RBM20: variants seen among roughly 807,000 people sequenced by gnomAD.
RBM20 encodes RNA-binding protein 20.
Under a neutral mutation model 110.1 loss-of-function variants are expected in RBM20, and 51 were observed. The ratio of observed to expected loss-of-function variants is 0.46; its 90% CI spans 0.37 to 0.59. The LOEUF is 0.59. RBM20 is among the 20% of genes least tolerant of loss of function. The pLI is 0.00. For missense variants in RBM20, 1,512 were observed against 1,574.9 expected, an observed-to-expected ratio of 0.96 and a Z score of 0.68; for synonymous variants, 589 against 618.2, an observed-to-expected ratio of 0.95 and a Z score of 0.70.
chr10:110,825,328 T>C (rs183336454), intron 12 of RBM20, among the ~76,000 whole-genome samples: 1 of 152,344 alleles, frequency 6.6e-6, no homozygotes, highest in Admixed American at 6.5e-5. Context: ...TGGAACCTAA[T>C]TGATACTAGC....
chr10:110,749,663 G>C (rs1564834236), intron 1 of RBM20, among the ~76,000 whole-genome samples: 1 of 151,848 alleles, frequency 6.6e-6, no homozygotes, highest in South Asian at 2.1e-4. Context: ...GAATAAAAGG[G>C]TCAAGAAAGC....
intron 7 of RBM20, among the ~76,000 whole-genome samples, chr10:110,809,736 G>C (rs1382121723): frequency 6.6e-6 from 1 of 152,174 alleles, no homozygotes; most frequent in African/African-American, 2.4e-5. Flanking sequence ...TTGAGGTGTT[G>C]AAGGGGGCAC....
At chr10:110,711,502 A>G (rs556325369) in intron 1 of RBM20, among the ~76,000 whole-genome samples, 9 of 152,162 alleles carry the variant, frequency 5.9e-5, no homozygotes, top group Non-Finnish European at 1.3e-4. Context: ...TTTGAAATGA[A>G]CTGAGCTGAG....
At chr10:110,768,670 GC>G (rs1430548671) in intron 1 of RBM20, among the ~76,000 whole-genome samples, 2 of 152,268 alleles carry the variant, frequency 1.3e-5, no homozygotes, top group East Asian at 3.9e-4. Context: ...CCTCTAATTT[GC>G]CCAGTGTTGA....
chr10:110,823,431 C>CTTTTTTTTTTTTTTTTTTTTT (rs201149204), intron 11 of RBM20, 49 bp from the exon 12 acceptor site: 4 of 1,110,668 alleles, frequency 3.6e-6, no homozygotes, highest in African/African-American at 4.3e-5. Context: ...TGTTGTATTT[C>CTTTTTTTTTTTTTTTTTTTTT]TTTTTTTTTT....
At chr10:110,734,604 TA>T (rs1380821346) in intron 1 of RBM20, among the ~76,000 whole-genome samples, 2 of 147,548 alleles carry the variant, frequency 1.4e-5, no homozygotes, top group African/African-American at 5.1e-5. Context: ...ATGGAACCAA[TA>T]TAAAAATTCC....
At chr10:110,765,574 T>C (rs1278772798) in intron 1 of RBM20, among the ~76,000 whole-genome samples, 1 of 152,100 alleles carries the variant, frequency 6.6e-6, no homozygotes, top group Non-Finnish European at 1.5e-5. Flanking sequence ...GGGTACAAAT[T>C]TGGACATGGA....
intron 13 of RBM20, among the ~76,000 whole-genome samples, chr10:110,832,230 A>G (rs946704937): frequency 2.6e-5 from 4 of 152,226 alleles, no homozygotes; most frequent in Non-Finnish European, 5.9e-5. Flanking sequence ...TAAGTATCTG[A>G]AGACACCTCC....
chr10:110,783,565 G>A, intron 3 of RBM20, 138 bp downstream of exon 3: 1 of 612,326 alleles, frequency 1.6e-6, no homozygotes, highest in Admixed American at 2.7e-5. Flanking sequence ...CCCTCAAGGA[G>A]CTTGTGCTTC....
intron 1 of RBM20, among the ~76,000 whole-genome samples, chr10:110,711,357 A>AG (rs1862925575): frequency 1.3e-5 from 2 of 148,564 alleles, no homozygotes; most frequent in African/African-American, 5.0e-5. Flanking sequence ...AAAAAAAAAA[A>AG]GAGTCCAGGA....
intron 7 of RBM20, among the ~76,000 whole-genome samples, chr10:110,808,925 C>A (rs146705663): frequency 1.3e-5 from 2 of 152,204 alleles, no homozygotes; most frequent in East Asian, 1.9e-4. Flanking sequence ...GCTCTTATTG[C>A]ATGATTTAGC....
intron 1 of RBM20, among the ~76,000 whole-genome samples, chr10:110,764,808 C>T (rs968269214): frequency 6.6e-6 from 1 of 152,208 alleles, no homozygotes; most frequent in Non-Finnish European, 1.5e-5. Context: ...GCCAGGCACC[C>T]TGGTATGTTT....
At chr10:110,823,139 C>T (rs1844935801) in intron 11 of RBM20, among the ~76,000 whole-genome samples, 1 of 151,892 alleles carries the variant, frequency 6.6e-6, no homozygotes, top group Admixed American at 6.6e-5. Context: ...TCAGTAATTC[C>T]TCTGCCTGCA....
chr10:110,774,651 G>T (rs914499601), intron 1 of RBM20, among the ~76,000 whole-genome samples: 1 of 151,758 alleles, frequency 6.6e-6, no homozygotes, highest in Non-Finnish European at 1.5e-5. Flanking sequence ...TGGCTTTTGC[G>T]GTTTTTTGTT....
At chr10:110,792,266 T>C (rs957675267) in intron 5 of RBM20, among the ~76,000 whole-genome samples, 6 of 152,212 alleles carry the variant, frequency 3.9e-5, no homozygotes, top group Admixed American at 2.0e-4. Context: ...ATTGTACCTC[T>C]TCACTTCTTT....
At position 110,657,020 on chromosome 10, in the gene RBM20, TC is replaced by T. The variant is rs1353402461; in HGVS notation, c.191+12376del. Among the ~76,000 whole-genome samples the T allele has an allele frequency of 1.2e-4, 17 of 144,644 alleles. No individual in the cohort carries two copies. In the South Asian group the frequency reaches 3.6e-3, roughly 31 times the overall value. The allele number at this position is 144,644 out of a possible 152,430, so 94.9% of individuals were successfully genotyped here. ...TGGAATTGGTGGGTCATATGGTAAT[TC>T]TTTTTTTTTTTTTGAGATGGAATCT... On this transcript the variant is annotated intron_variant, in intron 1 of 13. Coordinates refer to ENST00000369519, the MANE Select transcript of RBM20 (RefSeq NM_001134363.3).
chr10:110,822,069 AT>A, intron 11 of RBM20, 134 bp downstream of exon 11: 1 of 899,848 alleles, frequency 1.1e-6, no homozygotes, highest in Non-Finnish European at 1.7e-6. Context: ...GCAGAAAGTG[AT>A]TTAGCAACAA....
intron 1 of RBM20, among the ~76,000 whole-genome samples, chr10:110,702,647 C>T (rs1480258480): frequency 6.6e-6 from 1 of 152,224 alleles, no homozygotes; most frequent in Non-Finnish European, 1.5e-5. Flanking sequence ...GAAAGAACTG[C>T]TGTCGGAATT....
intron 5 of RBM20, among the ~76,000 whole-genome samples, chr10:110,785,297 A>G (rs996845389): frequency 5.3e-5 from 8 of 152,052 alleles, no homozygotes; most frequent in African/African-American, 1.9e-4. Context: ...GTACCCTTCA[A>G]TTTTCCACTC....
Sources: allele counts gnomAD v4.1 joint callset (sites outside exome capture counted in the v4.1 genomes callset), GRCh38; gene constraint gnomAD v4.1.1; transcripts MANE v1.5; gene names NCBI Gene and HGNC (gene_info 2026-07-23, HGNC 2026-07-21).